Variants in ZSCAN5A observed in about 807,000 individuals in gnomAD.
The protein encoded by ZSCAN5A is zinc finger and SCAN domain-containing protein 5A.
ZSCAN5A carries 12 observed loss-of-function variants against 23.7 expected under a neutral mutation model. The observed-to-expected ratio is 0.51, with a 90% CI of 0.32 to 0.82. The LOEUF is 0.82. ZSCAN5A is among the 40% of genes least tolerant of loss of function. The probability of loss-of-function intolerance (pLI) is 0.03; values close to 1 mark genes in which losing one functional copy is unlikely to be tolerated. For synonymous variants in ZSCAN5A, 257 were observed against 239.9 expected (o/e 1.07, Z -0.66); for missense variants, 597 against 617.9 (o/e 0.97, Z 0.36).
At chr19:56,311,482 T>C (rs189242304) in intron 2 of ZSCAN5A, among the ~76,000 whole-genome samples, 545 of 152,222 alleles carry the variant, frequency 3.6e-3, no homozygotes, top group Non-Finnish European at 6.0e-3. Context: ...ACTGAACCAA[T>C]AGAGAAGAAT....
intron 2 of ZSCAN5A, among the ~76,000 whole-genome samples, chr19:56,350,992 C>G (rs977865883): frequency 1.3e-5 from 2 of 151,178 alleles, no homozygotes; most frequent in African/African-American, 4.9e-5. Flanking sequence ...CAATTGCTGT[C>G]CCCCCCCAAC....
intron 2 of ZSCAN5A, among the ~76,000 whole-genome samples, chr19:56,258,613 A>G (rs1309632169): frequency 6.6e-6 from 1 of 151,700 alleles, no homozygotes; most frequent in Non-Finnish European, 1.5e-5. Flanking sequence ...GTGGGGGGTG[A>G]CCGACACGCC....
upstream of ZSCAN5A, chr19:56,318,125 G>T (rs1021547248): frequency 6.6e-6 from 1 of 152,192 alleles, no homozygotes; most frequent in African/African-American, 2.4e-5. Context: ...GCTGGTGTGT[G>T]TGTGTGTGTG....
intron 2 of ZSCAN5A, among the ~76,000 whole-genome samples, chr19:56,291,034 G>A (rs1340060947): frequency 2.0e-5 from 3 of 152,202 alleles, no homozygotes; most frequent in Admixed American, 1.3e-4. Flanking sequence ...CCCAGATTGT[G>A]TGGAGAGCCG....
At chr19:56,247,272 G>T in intron 2 of ZSCAN5A, 1 of 347,136 alleles carries the variant, frequency 2.9e-6, no homozygotes, top group South Asian at 3.3e-5. Context: ...TGTTCTCCTT[G>T]AAGTGTCACA....
chr19:56,253,421 T>C (rs1347528713), intron 2 of ZSCAN5A, among the ~76,000 whole-genome samples: 2 of 152,108 alleles, frequency 1.3e-5, no homozygotes, highest in East Asian at 1.9e-4. Flanking sequence ...ACACCTGAAA[T>C]GGAAGTAGTG....
intron 2 of ZSCAN5A, among the ~76,000 whole-genome samples, chr19:56,296,741 T>C (rs1482833064): frequency 6.6e-6 from 1 of 151,966 alleles, no homozygotes; most frequent in Non-Finnish European, 1.5e-5. Context: ...TGCGGGAAAC[T>C]TAAGTTTTTT....
chr19:56,284,533 T>TC (rs2038961931), intron 2 of ZSCAN5A, among the ~76,000 whole-genome samples: 1 of 144,566 alleles, frequency 6.9e-6, no homozygotes, highest in African/African-American at 2.5e-5. Context: ...TTTTTTTTTT[T>TC]TGAGACAGTC....
At position 56,323,189 on chromosome 19, in the gene ZSCAN5A, C is replaced by T. The variant is rs140608616; in HGVS notation, c.-357-6921G>A. Among the ~76,000 whole-genome samples, 241 of 151,258 alleles carry T rather than the reference C, an allele frequency of 1.6e-3. 2 individuals are homozygous for T. In the East Asian group the frequency reaches 0.032, roughly 20 times the overall value. ...GATTACAGGCGTGAGCCACCGCGCC[C>T]GGCCTTGGTTTCTTAAAAATATTTT... On this transcript the variant is annotated intron_variant, in intron 2 of 6. Coordinates refer to the ZSCAN5A transcript ENST00000587340.
chr19:56,344,151 C>T (rs1313866786), intron 2 of ZSCAN5A, among the ~76,000 whole-genome samples: 2 of 152,206 alleles, frequency 1.3e-5, no homozygotes, highest in Non-Finnish European at 2.9e-5. Context: ...CTTGTTCATT[C>T]CTGGGCATAG....
At position 56,357,057 on chromosome 19, in the gene ZSCAN5A, A is replaced by C. The variant is rs1282916115; in HGVS notation, c.-358+6178T>G. Among the ~76,000 whole-genome samples, 2 of 148,696 alleles carry C rather than the reference A, an allele frequency of 1.3e-5. 1 individual carries two copies. Among genetic ancestry groups the C allele is most frequent in the Non-Finnish European group, 3.0e-5 (2 of 67,280 alleles). Reference sequence around the variant, plus strand: ...TTTTATTCTTCAGCAATTTAAAGACAATTTTCCATTTGTGTTAGGCCTCCA... The same window carrying C: ...TTTTATTCTTCAGCAATTTAAAGACCATTTTCCATTTGTGTTAGGCCTCCA... On this transcript the variant is annotated intron_variant, in intron 2 of 6. Transcript: ENST00000587340.
intron 2 of ZSCAN5A, among the ~76,000 whole-genome samples, chr19:56,251,057 G>A (rs1248227785): frequency 2.0e-5 from 3 of 151,722 alleles, no homozygotes; most frequent in Non-Finnish European, 4.4e-5. Flanking sequence ...AGCTGGGGCA[G>A]GAGAATCGCT....
At chr19:56,237,988 C>CGG (rs1568627603) in intron 2 of ZSCAN5A, among the ~76,000 whole-genome samples, 112 of 3,362 alleles carry the variant, frequency 0.033, 12 homozygotes, top group Admixed American at 0.062. Flanking sequence ...CACACACATA[C>CGG]ACACATACGC....
At chr19:56,309,396 A>G (rs1383939396) in intron 2 of ZSCAN5A, among the ~76,000 whole-genome samples, 3 of 152,244 alleles carry the variant, frequency 2.0e-5, no homozygotes, top group Non-Finnish European at 4.4e-5. Context: ...AACATGGCGA[A>G]TGTAATGAAG....
chr19:56,223,560 C>T (rs2033538423), intron 4 of ZSCAN5A, 71 bp downstream of exon 4: 8 of 1,517,962 alleles, frequency 5.3e-6, no homozygotes, highest in Admixed American at 1.8e-5. Context: ...CTCAATCAGT[C>T]CAGCGGCCAC....
At chr19:56,364,441 T>C (rs1006816168) in intron 1 of ZSCAN5A, among the ~76,000 whole-genome samples, 2 of 152,220 alleles carry the variant, frequency 1.3e-5, no homozygotes, top group Non-Finnish European at 2.9e-5. Flanking sequence ...TGACTACAAT[T>C]GAAAGAACGA....
chr19:56,358,959 C>G (rs2041715172), intron 2 of ZSCAN5A, among the ~76,000 whole-genome samples: 1 of 151,930 alleles, frequency 6.6e-6, no homozygotes, highest in South Asian at 2.1e-4. Context: ...CTAAATAGAT[C>G]CAACAAAAAG....
intron 2 of ZSCAN5A, among the ~76,000 whole-genome samples, chr19:56,328,898 G>A (rs1167501266): frequency 1.3e-5 from 2 of 151,522 alleles, no homozygotes; most frequent in East Asian, 3.9e-4. Flanking sequence ...GGGAGGCTGA[G>A]GCAGGAGAAT....
intron 2 of ZSCAN5A, among the ~76,000 whole-genome samples, chr19:56,251,880 T>C (rs754354012): frequency 6.6e-6 from 1 of 152,232 alleles, no homozygotes; most frequent in Non-Finnish European, 1.5e-5. Flanking sequence ...GTTTTTTATA[T>C]TTTTAAAGTG....
Sources: allele counts gnomAD v4.1 joint callset (sites outside exome capture counted in the v4.1 genomes callset), GRCh38; gene constraint gnomAD v4.1.1; transcripts MANE v1.5; gene names NCBI Gene and HGNC (gene_info 2026-07-23, HGNC 2026-07-21).